Variants in RCC1L observed in about 807,000 individuals in gnomAD.
RCC1L encodes RCC1 like.
A neutral mutation model predicts 58.6 loss-of-function variants in RCC1L; 46 were observed. The ratio of observed to expected loss-of-function variants is 0.79; its 90% confidence interval spans 0.62 to 1.00. The LOEUF is 1.00. Ranked by LOEUF, RCC1L falls within the 50% of genes least tolerant of loss-of-function variation. RCC1L has a pLI of 0.00. For synonymous variants in RCC1L, 281 were observed against 262.9 expected (o/e 1.07, Z -0.67); for missense variants, 636 against 623.6 (o/e 1.02, Z -0.21).
chr7:75,035,090 G>C (rs953907267), intron 10 of RCC1L, among the ~76,000 whole-genome samples: 1 of 151,866 alleles, frequency 6.6e-6, no homozygotes, highest in Admixed American at 6.6e-5. Context: ...GAGTGCAGTG[G>C]AGCAATCCAA....
At chr7:75,052,401 A>T (rs1475814843) in intron 10 of RCC1L, among the ~76,000 whole-genome samples, 5 of 152,174 alleles carry the variant, frequency 3.3e-5, no homozygotes, top group African/African-American at 1.2e-4. Context: ...TGGATGCTTG[A>T]GTGGGCTACT....
At chr7:75,030,498 AG>A (rs1805272409) in intron 10 of RCC1L, among the ~76,000 whole-genome samples, 1 of 152,188 alleles carries the variant, frequency 6.6e-6, no homozygotes, top group Non-Finnish European at 1.5e-5. Context: ...TGTCAGGAAC[AG>A]TTTGAGCAGT....
rs1384595345 is a variant in RCC1L, at chr7:75,061,285, A to T, written c.709T>A (p.Cys237Ser). The T allele has an allele frequency of 5.0e-6, 8 of 1,613,486 alleles. No homozygotes were observed. The highest frequency in any genetic ancestry group is 1.3e-5 in the African/African-American group (1 of 74,866). Residue 237 changes from cysteine to serine, a missense_variant, in exon 6 of 11, where the codon TGT becomes AGT. Physicochemically the swap from Cys to Ser is moderately radical, Grantham distance 112. Transcript: ENST00000610322. Reference sequence around the variant, plus strand: ...AGGAACAGACTATGATCCTGACCACAGGCGACCTAGCAGACAAACAGAGGT... The same window carrying T: ...AGGAACAGACTATGATCCTGACCACTGGCGACCTAGCAGACAAACAGAGGT... Reference protein sequence around the residue: ...DFDGQVVQVACGQDHSLFLTD... With the variant: ...DFDGQVVQVASGQDHSLFLTD...
In RCC1L at chr7:75,061,194, A is replaced by G. The variant is rs1806266985; in HGVS notation, c.787+13T>C. The G allele has an allele frequency of 3.7e-6, 6 of 1,612,496 alleles. No homozygotes were observed. The highest frequency in any genetic ancestry group is 5.1e-6 in the Non-Finnish European group (6 of 1,178,726). Reference sequence around the variant, plus strand: ...AGAAGTTTCACGACCCCAGTGCATGAAAAGAACTCTACCTGTTTGCCCATC... The same window carrying G: ...AGAAGTTTCACGACCCCAGTGCATGGAAAGAACTCTACCTGTTTGCCCATC... On this transcript the variant is annotated intron_variant, in intron 6 of 10. Transcript: ENST00000610322.
chr7:75,052,309 C>T (rs992293710), intron 10 of RCC1L, among the ~76,000 whole-genome samples: 15 of 152,178 alleles, frequency 9.9e-5, no homozygotes, highest in Non-Finnish European at 2.1e-4. Flanking sequence ...CTCATGGCAC[C>T]CTACCAGAGC....
chr7:75,038,656 C>T (rs930508894), downstream of RCC1L, among the ~76,000 whole-genome samples: 42 of 151,864 alleles, frequency 2.8e-4, no homozygotes, highest in East Asian at 5.8e-4. Flanking sequence ...GGTGGATGGA[C>T]GACAGCCTGT....
chr7:75,055,411 C>A (rs1387129493), intron 9 of RCC1L, among the ~76,000 whole-genome samples: 5 of 152,202 alleles, frequency 3.3e-5, no homozygotes, highest in Admixed American at 3.3e-4. Context: ...TACCCCGGCA[C>A]TTTGGAGAAA....
At chr7:75,041,818 C>T (rs1805574916), downstream of RCC1L, among the ~76,000 whole-genome samples, 2 of 141,980 alleles carry the variant, frequency 1.4e-5, no homozygotes, top group African/African-American at 5.3e-5. Flanking sequence ...GAGCTGAGAT[C>T]ATGTTGCTGC....
chr7:75,039,277 G>A (rs991611690), downstream of RCC1L, among the ~76,000 whole-genome samples: 1 of 152,228 alleles, frequency 6.6e-6, no homozygotes, highest in Non-Finnish European at 1.5e-5. Context: ...GCCCAGGCAC[G>A]GCACTGGGCA....
At chr7:75,063,256 G>A (rs1375328785) in intron 5 of RCC1L, 36 bp downstream of exon 5, 6 of 1,613,238 alleles carry the variant, frequency 3.7e-6, no homozygotes, top group Non-Finnish European at 5.1e-6. Flanking sequence ...AGCACCCCAG[G>A]AACACAACAA....
At chr7:75,063,237 C>T in intron 5 of RCC1L, 55 bp downstream of exon 5, 1 of 1,609,120 alleles carries the variant, frequency 6.2e-7, no homozygotes, top group Non-Finnish European at 8.5e-7. Flanking sequence ...CAAATCTCAA[C>T]TTTTCAAAAG....
intron 10 of RCC1L, chr7:75,028,114 GA>G: frequency 2.1e-6 from 3 of 1,404,954 alleles, no homozygotes; most frequent in Non-Finnish European, 2.8e-6. Flanking sequence ...CTATGATGTG[GA>G]ATTTTTTTTT....
chr7:75,056,194 T>G, intron 8 of RCC1L, 120 bp from the exon 9 acceptor site: 2 of 1,231,426 alleles, frequency 1.6e-6, no homozygotes, highest in Non-Finnish European at 2.3e-6. Flanking sequence ...TGTTTTTTTT[T>G]TGTTTTGTTT....
At chr7:75,048,494 G>A (rs966531754) in intron 10 of RCC1L, among the ~76,000 whole-genome samples, 16 of 152,222 alleles carry the variant, frequency 1.1e-4, no homozygotes, top group Non-Finnish European at 1.5e-4. Flanking sequence ...AAGCCCCTTC[G>A]CTCCTGACTT....
intron 10 of RCC1L, among the ~76,000 whole-genome samples, chr7:75,047,232 C>T (rs1335525554): frequency 6.6e-6 from 1 of 152,202 alleles, no homozygotes; most frequent in Non-Finnish European, 1.5e-5. Flanking sequence ...GCTGGGATTA[C>T]AGGCGTGAGC....
intron 8 of RCC1L, 36 bp downstream of exon 8, chr7:75,057,493 C>A: frequency 6.2e-7 from 1 of 1,606,396 alleles, no homozygotes; most frequent in Non-Finnish European, 8.5e-7. Context: ...AATCTACCTA[C>A]AGCTTCCCAA....
At chr7:75,067,297 A>G (rs1554445299) in intron 2 of RCC1L, among the ~76,000 whole-genome samples, 4 of 148,110 alleles carry the variant, frequency 2.7e-5, no homozygotes, top group African/African-American at 1.0e-4. Flanking sequence ...GCGAGACTTC[A>G]TCTGGAAAAA....
intron 10 of RCC1L, among the ~76,000 whole-genome samples, chr7:75,043,678 G>A (rs1805632875): frequency 6.6e-6 from 1 of 152,186 alleles, no homozygotes; most frequent in Non-Finnish European, 1.5e-5. Flanking sequence ...AGCCAGGCGT[G>A]GTGGCAGGCG....
rs1805612770 is a variant in RCC1L, at chr7:75,043,044, C to G, written c.1383G>C (p.Lys461Asn). The change falls in exon 11 of 11, where the codon AAG (lysine) becomes AAC (asparagine). Residue 461 changes from lysine to asparagine, a missense_variant. Transcript: ENST00000610322. ...CGVDHMVTLA[K>N]SFI The stretch of plus-strand genomic sequence containing the variant: ...AGGTGAGGGAGGTTTAGATGAATGA[C>G]TTGGCCAGGGTCACCATGTGGTCCA... 1 of 1,614,044 alleles carries G rather than the reference C, an allele frequency of 6.2e-7. No individual in the cohort carries two copies. Among genetic ancestry groups the G allele is most frequent in the Non-Finnish European group, 8.5e-7 (1 of 1,179,876 alleles).
Sources: gnomAD v4.1 joint callset for allele counts (sites outside exome capture counted in the v4.1 genomes callset) on GRCh38, gnomAD v4.1.1 for gene constraint, MANE v1.5 for transcripts, NCBI Gene and HGNC (gene_info 2026-07-23, HGNC 2026-07-21) for gene names.